SLAIN1: variants seen among roughly 807,000 people sequenced by gnomAD.
SLAIN1 encodes the protein SLAIN family member 1.
A neutral mutation model predicts 55.4 loss-of-function variants in SLAIN1; 17 were observed. The ratio of observed to expected loss-of-function variants is 0.31; its 90% CI spans 0.21 to 0.46. SLAIN1 has a LOEUF of 0.46. SLAIN1 is among the 20% of genes least tolerant of loss of function. The pLI, the probability that SLAIN1 is intolerant of heterozygous loss-of-function variation, is 1.00. For synonymous variants in SLAIN1, 348 were observed against 337.4 expected, an observed-to-expected ratio of 1.03 and a Z score of -0.35; for missense variants, 682 against 785.1, an observed-to-expected ratio of 0.87 and a Z score of 1.57.
intron 1 of SLAIN1, among the ~76,000 whole-genome samples, chr13:77,702,754 T>C (rs1397275606): frequency 6.6e-6 from 1 of 152,246 alleles, no homozygotes; most frequent in East Asian, 1.9e-4. Context: ...AACTCATTAG[T>C]AAGTTTATAA....
chr13:77,735,257 T>C (rs1056809921), intron 2 of SLAIN1, among the ~76,000 whole-genome samples: 19 of 152,248 alleles, frequency 1.2e-4, no homozygotes, highest in African/African-American at 4.1e-4. Flanking sequence ...AAAGCTAGTA[T>C]GTGGCAGGAT....
intron 1 of SLAIN1, among the ~76,000 whole-genome samples, chr13:77,717,738 T>C (rs968749282): frequency 2.6e-5 from 4 of 152,196 alleles, no homozygotes; most frequent in Non-Finnish European, 5.9e-5. Flanking sequence ...CCTCTCAAGA[T>C]GTGGTCTCCA....
intron 2 of SLAIN1, among the ~76,000 whole-genome samples, chr13:77,727,479 G>A (rs1331498733): frequency 6.8e-6 from 1 of 147,876 alleles, no homozygotes; most frequent in Non-Finnish European, 1.5e-5. Flanking sequence ...ATTTGGTGTT[G>A]TAAATGGCAT....
chr13:77,698,785 C>T lies in SLAIN1; in HGVS notation c.626+246C>T. On this transcript the variant is annotated intron_variant, in intron 1 of 6. Transcript: ENST00000418532. The surrounding 1 kb of genome is among the most constrained non-coding windows in gnomAD (Gnocchi z 4.1). ...GCGGATGAACCGGCCCCCCCTTCCCCCCATCTGCCATGGGTTCTGCTATTT... is the reference window on the plus strand; with the variant it reads ...GCGGATGAACCGGCCCCCCCTTCCCTCCATCTGCCATGGGTTCTGCTATTT... 8.7e-6 allele frequency: 11 copies of T among 1,267,460 alleles called. No homozygotes were observed. The highest frequency in any genetic ancestry group is 1.2e-5 in the Non-Finnish European group (11 of 952,724). The allele number at this position is 1,267,460 out of a possible 1,614,324, so 78.5% of individuals were successfully genotyped here.
chr13:77,698,142 C>CT lies in SLAIN1; in HGVS notation c.229_230insT (p.Pro77LeufsTer36). On this transcript the variant is annotated frameshift_variant, in exon 1 of 7. Coordinates refer to ENST00000418532, the MANE Select transcript of SLAIN1 (RefSeq NM_001242868.2). LOFTEE classifies it high-confidence loss of function. This position sits in a 1 kb window ranked among gnomAD's most constrained non-coding sequence, Gnocchi z 4.1. ...CGCGCCGCCCCCCGCTGGCCTGCAG[C>CT]CTTTGGGTCCTCGGAGCCCCCCGGC... 2.0e-6 allele frequency: 2 copies of CT among 989,796 alleles called. No individual in the cohort carries two copies. Among genetic ancestry groups the CT allele is most frequent in the African/African-American group, 5.1e-5 (1 of 19,540 alleles). 61.3% of individuals were successfully genotyped at this position (989,796 alleles called of 1,614,324 possible).
intron 4 of SLAIN1, 81 bp downstream of exon 4, chr13:77,746,936 T>A: frequency 7.6e-7 from 1 of 1,313,254 alleles, no homozygotes; most frequent in Non-Finnish European, 1.0e-6. Context: ...TGTTTTTGTT[T>A]TTGTTTTTGA....
At chr13:77,760,439 A>G (rs536053702) in intron 5 of SLAIN1, among the ~76,000 whole-genome samples, 131 of 152,310 alleles carry the variant, frequency 8.6e-4, no homozygotes, top group African/African-American at 3.1e-3. Context: ...TGTAATTACA[A>G]CTATTAAAGT....
At chr13:77,754,842 A>G (rs1874485889) in intron 5 of SLAIN1, among the ~76,000 whole-genome samples, 1 of 152,156 alleles carries the variant, frequency 6.6e-6, no homozygotes, top group African/African-American at 2.4e-5. Context: ...TTCTGTTCCC[A>G]GTGCCTGACG....
chr13:77,710,062 G>A (rs543286183), intron 1 of SLAIN1, among the ~76,000 whole-genome samples: 155 of 152,026 alleles, frequency 1.0e-3, no homozygotes, highest in Admixed American at 1.8e-3. Context: ...GTGAGCCACC[G>A]CATCTGGCCT....
intron 3 of SLAIN1, 95 bp downstream of exon 3, chr13:77,744,527 A>G: frequency 1.9e-6 from 3 of 1,580,260 alleles, no homozygotes; most frequent in Non-Finnish European, 2.6e-6. Context: ...GTAATGGGCA[A>G]ATAATTAGAT....
chr13:77,756,761 G>A (rs1033949946), intron 5 of SLAIN1, among the ~76,000 whole-genome samples: 3 of 152,088 alleles, frequency 2.0e-5, no homozygotes, highest in African/African-American at 7.2e-5. Context: ...CAGACAAAGT[G>A]TCGAGTGAAA....
chr13:77,705,642 A>T (rs1446542471), intron 1 of SLAIN1, among the ~76,000 whole-genome samples: 3 of 144,516 alleles, frequency 2.1e-5, no homozygotes, highest in Admixed American at 1.4e-4. Context: ...GGAGAAATAC[A>T]GATTTTTTTT....
At chr13:77,703,154 A>G (rs1413046214) in intron 1 of SLAIN1, among the ~76,000 whole-genome samples, 1 of 152,202 alleles carries the variant, frequency 6.6e-6, no homozygotes, top group Non-Finnish European at 1.5e-5. Context: ...GAGACTATAT[A>G]AACAGGATGT....
Position 77,731,408 on chromosome 13 carries a change from T to C in SLAIN1, c.766+11737T>C, listed in dbSNP as rs536224623. Among the ~76,000 whole-genome samples, 4 of 152,304 alleles carry C rather than the reference T, an allele frequency of 2.6e-5. No homozygotes were observed. In the East Asian group the frequency reaches 5.8e-4, roughly 22 times the overall value. ...ATAAGTGTAGGAGCAAAAGAAACTT[T>C]TGCTTATGCAAAGTCTGGATTTTAT... On this transcript the variant is annotated intron_variant, in intron 2 of 6. Coordinates refer to ENST00000418532, the MANE Select transcript of SLAIN1 (RefSeq NM_001242868.2).
intron 2 of SLAIN1, among the ~76,000 whole-genome samples, chr13:77,733,001 G>T (rs1872950732): frequency 6.6e-6 from 1 of 152,106 alleles, no homozygotes; most frequent in South Asian, 2.1e-4. Flanking sequence ...AGTAGATAAG[G>T]TCTAATCCTT....
chr13:77,730,804 G>T (rs1872820351), intron 2 of SLAIN1, among the ~76,000 whole-genome samples: 1 of 152,176 alleles, frequency 6.6e-6, no homozygotes, highest in Non-Finnish European at 1.5e-5. Context: ...GCTCAGTCTG[G>T]TCTTCCATTT....
intron 1 of SLAIN1, 103 bp from the exon 2 acceptor site, chr13:77,719,429 G>T: frequency 2.6e-6 from 2 of 767,446 alleles, no homozygotes; most frequent in Non-Finnish European, 3.9e-6. Context: ...TCAAATATGA[G>T]TTCTGTTTCT....
intron 2 of SLAIN1, among the ~76,000 whole-genome samples, chr13:77,730,993 TG>T (rs1195781851): frequency 6.6e-6 from 1 of 152,116 alleles, no homozygotes; most frequent in East Asian, 1.9e-4. Context: ...TCTACCAAAA[TG>T]GGATGGAAAA....
chr13:77,725,409 G>A (rs1276813998), intron 2 of SLAIN1, among the ~76,000 whole-genome samples: 1 of 152,010 alleles, frequency 6.6e-6, no homozygotes, highest in Non-Finnish European at 1.5e-5. Flanking sequence ...GTAAACAAAG[G>A]GTAAAGCTAC....
Sources: gnomAD v4.1 joint callset for allele counts (sites outside exome capture counted in the v4.1 genomes callset) on GRCh38, gnomAD v4.1.1 for gene constraint, Gnocchi (gnomAD v3.1) non-coding constraint, MANE v1.5 for transcripts, NCBI Gene and HGNC (gene_info 2026-07-23, HGNC 2026-07-21) for gene names.